The following ACOX1 variants were observed in gnomAD, a reference collection of about 807,000 sequenced individuals.
The protein encoded by ACOX1 is acyl-CoA oxidase 1, also known as peroxisomal acyl-coenzyme A oxidase 1.
Under a neutral mutation model 75.5 loss-of-function variants are expected in ACOX1, and 41 were observed. The observed-to-expected ratio is 0.54, with a 90% CI of 0.42 to 0.70. ACOX1 has a LOEUF of 0.70. ACOX1 is among the 30% of genes least tolerant of loss of function. ACOX1 has a pLI of 0.00. For synonymous variants in ACOX1, 303 were observed against 298.8 expected (o/e 1.01, Z -0.15); for missense variants, 630 against 837.5 (o/e 0.75, Z 3.06).
At chr17:75,953,004 GT>G (rs1288217015) in intron 7 of ACOX1, among the ~76,000 whole-genome samples, 1 of 152,026 alleles carries the variant, frequency 6.6e-6, no homozygotes, top group East Asian at 1.9e-4. Flanking sequence ...AGTAAAAAGA[GT>G]ATCAGGGAGT....
chr17:75,949,112 G>C, intron 12 of ACOX1, 105 bp downstream of exon 12: 2 of 1,345,126 alleles, frequency 1.5e-6, no homozygotes, highest in Non-Finnish European at 1.1e-6. Flanking sequence ...TACCCGCCTT[G>C]GGCTCCCAAA....
At position 75,948,427 on chromosome 17, in the gene ACOX1, G is replaced by T; in HGVS notation, c.1759C>A (p.Gln587Lys). Reference sequence around the variant, plus strand: ...AACTCCTTTACACGCTGGTTTACTTGTGTAATCTGAGGCTCTGTCATGATG... The same window carrying T: ...AACTCCTTTACACGCTGGTTTACTTTTGTAATCTGAGGCTCTGTCATGATG... ...GSIMTEPQIT[Q>K]VNQRVKELLT... is the part of the protein sequence containing the mutation. Residue 587 changes from glutamine to lysine, a missense_variant, in exon 13 of 14, where the codon CAA (glutamine) becomes AAA (lysine). Coordinates refer to ENST00000293217, the MANE Select transcript of ACOX1 (RefSeq NM_004035.7). 6.2e-7 allele frequency: 1 copy of T among 1,614,008 alleles called. No individual in the cohort carries two copies. The highest frequency in any genetic ancestry group is 2.2e-5 in the East Asian group (1 of 44,902).
In ACOX1 at chr17:75,946,726, T is replaced by C; in HGVS notation, c.*22A>G. 4 of 1,612,418 alleles carry C rather than the reference T, an allele frequency of 2.5e-6. No homozygotes were observed. Among genetic ancestry groups the C allele is most frequent in the Non-Finnish European group, 3.4e-6 (4 of 1,178,536 alleles). On this transcript the variant is annotated 3_prime_UTR_variant, in exon 14 of 14. Coordinates refer to ENST00000293217, the MANE Select transcript of ACOX1 (RefSeq NM_004035.7). ...GCACACAGGCGCTTTCTGAAGCAGA[T>C]TAAACTTGTCCTTGTGACACTTCAG...
intron 2 of ACOX1, among the ~76,000 whole-genome samples, chr17:75,970,198 A>AAAAAAAAAG (rs796156539): frequency 7.0e-4 from 106 of 151,486 alleles, no homozygotes; most frequent in African/African-American, 2.4e-3. Context: ...AAAAAAAAAA[A>AAAAAAAAAG]AAAGAGGAAG....
chr17:75,978,667 A>T lies in ACOX1; in HGVS notation c.136T>A (p.Phe46Ile). The T allele has an allele frequency of 1.9e-6, 3 of 1,614,204 alleles. No homozygotes were observed. Among genetic ancestry groups the T allele is most frequent in the Non-Finnish European group, 2.5e-6 (3 of 1,180,036 alleles). Residue 46 changes from phenylalanine to isoleucine, a missense_variant, in exon 2 of 14, where the codon TTC (phenylalanine) becomes ATC (isoleucine). By Grantham distance (21) the Phe-to-Ile change is conservative (BLOSUM62 0). Coordinates refer to ENST00000293217, the MANE Select transcript of ACOX1 (RefSeq NM_004035.7). The surrounding 1 kb of genome is among the most constrained non-coding windows in gnomAD (Gnocchi z 4.2). Reference protein sequence around the residue: ...IENMILNDPDFQHEDLNFLTR... With the variant: ...IENMILNDPDIQHEDLNFLTR... ...AGGAAGTTCAAGTCCTCATGCTGGA[A>T]GTCTGGGTCGTTCAGGATCATGTTC...
Position 75,978,931 on chromosome 17 carries a change from G to C in ACOX1, c.109+34C>G. 6.2e-7 allele frequency: 1 copy of C among 1,606,726 alleles called. No individual in the cohort carries two copies. Among genetic ancestry groups the C allele is most frequent in the South Asian group, 1.1e-5 (1 of 91,068 alleles). On this transcript the variant is annotated intron_variant, in intron 1 of 13. Coordinates refer to ENST00000293217, the MANE Select transcript of ACOX1 (RefSeq NM_004035.7). This position sits in a 1 kb window ranked among gnomAD's most constrained non-coding sequence, Gnocchi z 4.2. ...ATCGAGGGAGTCTCCAGCTTTTCTC[G>C]GGAAAGGAGGGAGGTCTCGCCCGCC...
At chr17:75,953,361 T>A in intron 7 of ACOX1, 90 bp downstream of exon 7, 1 of 1,473,510 alleles carries the variant, frequency 6.8e-7, no homozygotes, top group Non-Finnish European at 9.5e-7. Context: ...TGCTAATGCA[T>A]CTTCTGTATT....
intron 2 of ACOX1, among the ~76,000 whole-genome samples, chr17:75,977,351 G>C (rs118121093): frequency 0.02 from 3,079 of 151,868 alleles, 77 homozygotes; most frequent in East Asian, 0.13. Flanking sequence ...GGTGGATCAC[G>C]AGGTGAGGAG....
intron 7 of ACOX1, among the ~76,000 whole-genome samples, chr17:75,952,432 T>C (rs1232831053): frequency 1.3e-5 from 2 of 151,624 alleles, no homozygotes; most frequent in African/African-American, 2.4e-5. Context: ...GTAGCTGGAA[T>C]TACAGGCACC....
chr17:75,975,945 AAAAGAAAG>A (rs148266807), intron 2 of ACOX1, among the ~76,000 whole-genome samples: 34 of 143,030 alleles, frequency 2.4e-4, no homozygotes, highest in East Asian at 9.8e-4. Flanking sequence ...GAAAGAAAAG[AAAAGAAAG>A]AAAGAAAGAA....
chr17:75,945,326 A>G lies in ACOX1; in HGVS notation c.*1422T>C, dbSNP rs534919558. On this transcript the variant is annotated 3_prime_UTR_variant, in exon 14 of 14. Coordinates refer to ENST00000293217, the MANE Select transcript of ACOX1 (RefSeq NM_004035.7). Reference sequence around the variant, plus strand: ...GAGATTAACACAGGGTTAATCTTCAATCTTAACACAATTATCAATTAGTTC... The same window carrying G: ...GAGATTAACACAGGGTTAATCTTCAGTCTTAACACAATTATCAATTAGTTC... 3.3e-5 allele frequency: 5 copies of G among 152,322 alleles called. No individual in the cohort carries two copies. The East Asian group carries it at 7.7e-4, about 24-fold the overall frequency. 9.4% of individuals were successfully genotyped at this position (152,322 alleles called of 1,614,324 possible).
chr17:75,972,416 G>A (rs2066005229), intron 2 of ACOX1, among the ~76,000 whole-genome samples: 2 of 151,464 alleles, frequency 1.3e-5, no homozygotes, highest in African/African-American at 4.9e-5. Flanking sequence ...GGAAGCCAAG[G>A]TGGACAGATC....
Position 75,978,512 on chromosome 17 carries a change from C to T in ACOX1, c.269+22G>A, listed in dbSNP as rs763757273. ...TAAAGTTTAGGCTTAACAACACTTG[C>T]TCTGTTCTAAGGCATACCTACTTTT... On this transcript the variant is annotated intron_variant, in intron 2 of 13. Transcript: ENST00000293217. The surrounding 1 kb of genome is among the most constrained non-coding windows in gnomAD (Gnocchi z 4.2). 1.9e-6 allele frequency: 3 copies of T among 1,614,156 alleles called. No individual in the cohort carries two copies. In the East Asian group the frequency reaches 6.7e-5, roughly 36 times the overall value.
At chr17:75,961,557 G>C (rs971588757) in intron 2 of ACOX1, among the ~76,000 whole-genome samples, 2 of 151,372 alleles carry the variant, frequency 1.3e-5, no homozygotes, top group African/African-American at 4.9e-5. Context: ...ATCACCTGAG[G>C]TCAGGAGTTC....
Position 75,941,741 on chromosome 17 carries a change from C to T in ACOX1, c.*5007G>A, listed in dbSNP as rs2065672197. The T allele has an allele frequency of 6.6e-6, 1 of 151,946 alleles. No individual in the cohort carries two copies. Among genetic ancestry groups the T allele is most frequent in the African/African-American group, 2.4e-5 (1 of 41,340 alleles). The allele number at this position is 151,946 out of a possible 1,614,324, so 9.4% of individuals were successfully genotyped here. A position where few individuals can be genotyped will look rare whatever the true frequency, so the allele number is the denominator to read the frequency against. On this transcript the variant is annotated 3_prime_UTR_variant, in exon 14 of 14. Transcript: ENST00000293217. ...CTCAATGCATCTTCTCAGGTGAGAA[C>T]CAAACTCGAGCCACAACAGCAAAGG... is the stretch of plus-strand genomic sequence containing the variant.
At chr17:75,974,261 C>T (rs1366424321) in intron 2 of ACOX1, among the ~76,000 whole-genome samples, 3 of 151,814 alleles carry the variant, frequency 2.0e-5, no homozygotes, top group African/African-American at 7.3e-5. Flanking sequence ...GAAATAATTT[C>T]AACTATGTTT....
intron 12 of ACOX1, among the ~76,000 whole-genome samples, chr17:75,948,718 C>A (rs1434312155): frequency 6.6e-6 from 1 of 151,954 alleles, no homozygotes; most frequent in African/African-American, 2.4e-5. Flanking sequence ...GCACACCTGG[C>A]TAATTTTGTA....
chr17:75,965,758 A>G (rs550139725), intron 2 of ACOX1, among the ~76,000 whole-genome samples: 2 of 152,124 alleles, frequency 1.3e-5, no homozygotes, highest in African/African-American at 4.8e-5. Flanking sequence ...CCTTCAGTCT[A>G]GGAGATCAAG....
chr17:75,955,854 T>G lies in ACOX1; in HGVS notation c.632A>C (p.Glu211Ala). 1 of 1,614,184 alleles carries G rather than the reference T, an allele frequency of 6.2e-7. No homozygotes were observed. The highest frequency in any genetic ancestry group is 8.5e-7 in the Non-Finnish European group (1 of 1,180,036). The change falls in exon 5 of 14, where the codon GAA (glutamate) becomes GCA (alanine). Residue 211 changes from glutamate (E) to alanine (A), a missense_variant. Glu to Ala is a moderately radical substitution (Grantham distance 107). Around this residue, in one of 2 missense-constraint regions of ACOX1, gnomAD observed 390 missense variants for 574.9 expected, o/e 0.68. Coordinates refer to ENST00000293217, the MANE Select transcript of ACOX1 (RefSeq NM_004035.7). ...TGGCAAAGGCTTATGGGTCCCGATT[T>G]CACGAATAGGTACGATAAAGGCATG... ...GLHAFIVPIR[E>A]IGTHKPLPGI...
Sources: gnomAD v4.1 joint callset for allele counts (sites outside exome capture counted in the v4.1 genomes callset) on GRCh38, gnomAD v4.1.1 for gene constraint, gnomAD v4.1.1 regional missense constraint, Gnocchi (gnomAD v3.1) non-coding constraint, MANE v1.5 for transcripts, NCBI Gene and HGNC (gene_info 2026-07-23, HGNC 2026-07-21) for gene names.